LINGO2: variants seen among roughly 807,000 people sequenced by gnomAD.
LINGO2 encodes the protein leucine rich repeat and Ig domain containing 2.
Under a neutral mutation model 30.6 loss-of-function variants are expected in LINGO2, and 14 were observed. The observed-to-expected ratio is 0.46, with a 90% CI of 0.30 to 0.72. The LOEUF is 0.72. Among genes scored for constraint, LINGO2 ranks in the 30% least tolerant of loss-of-function variants. LINGO2 has a pLI of 0.07. For missense variants in LINGO2, 729 were observed against 751.7 expected (o/e 0.97, Z 0.35); for synonymous variants, 317 against 288.5 (o/e 1.10, Z -1.00).
At chr9:28,830,421 T>G in the LINGO2 span, among the ~76,000 whole-genome samples, 1 of 152,124 alleles carries the variant, frequency 6.6e-6, no homozygotes, top group East Asian at 1.9e-4. Context: ...AAGTGTGGGT[T>G]TTATCTTACA....
chr9:28,491,240 G>A (rs1826383847), intron 1 of LINGO2, among the ~76,000 whole-genome samples: 1 of 152,186 alleles, frequency 6.6e-6, no homozygotes, highest in Admixed American at 6.5e-5. Flanking sequence ...GGAGGCTTCA[G>A]TGATAAATAT....
intron 1 of LINGO2, among the ~76,000 whole-genome samples, chr9:28,606,896 T>C (rs1376744470): frequency 6.6e-6 from 1 of 152,080 alleles, no homozygotes; most frequent in East Asian, 1.9e-4. Flanking sequence ...TTCTGACAAG[T>C]GTTCTTACAA....
intron 1 of LINGO2, among the ~76,000 whole-genome samples, chr9:28,662,081 C>T (rs1046312503): frequency 1.2e-4 from 18 of 152,282 alleles, no homozygotes; most frequent in African/African-American, 4.1e-4. Context: ...CAGGCTCTGA[C>T]AGTTGATTGG....
chr9:28,414,262 G>T (rs1052730328), intron 2 of LINGO2, among the ~76,000 whole-genome samples: 1 of 152,162 alleles, frequency 6.6e-6, no homozygotes, highest in East Asian at 1.9e-4. Flanking sequence ...AGTCCATGAA[G>T]TTGTCTATTT....
chr9:29,188,910 G>C, the LINGO2 span, among the ~76,000 whole-genome samples: 95 of 149,996 alleles, frequency 6.3e-4, no homozygotes, highest in African/African-American at 2.3e-3. Flanking sequence ...GGGGTGGCCG[G>C]GCAGAGGCGC....
At chr9:29,020,155 A>G in the LINGO2 span, among the ~76,000 whole-genome samples, 1 of 152,196 alleles carries the variant, frequency 6.6e-6, no homozygotes, top group African/African-American at 2.4e-5. Context: ...AATGGCTAAC[A>G]TATGCTCAAA....
intron 4 of LINGO2, among the ~76,000 whole-genome samples, chr9:28,087,058 T>C (rs1208632602): frequency 6.6e-6 from 1 of 152,130 alleles, no homozygotes; most frequent in Non-Finnish European, 1.5e-5. Context: ...CACTCTCTGC[T>C]GTACCTTTGG....
intron 4 of LINGO2, among the ~76,000 whole-genome samples, chr9:28,284,484 G>T (rs1412454960): frequency 1.3e-5 from 2 of 152,124 alleles, no homozygotes; most frequent in African/African-American, 4.8e-5. Context: ...GTAGATGAAT[G>T]CTGTCAGTTA....
chr9:28,561,194 C>G (rs983964031), intron 1 of LINGO2, among the ~76,000 whole-genome samples: 1 of 151,958 alleles, frequency 6.6e-6, no homozygotes, highest in African/African-American at 2.4e-5. Flanking sequence ...CTCTGCCACA[C>G]TCCTTATTTC....
the LINGO2 span, among the ~76,000 whole-genome samples, chr9:28,781,423 C>T: frequency 6.6e-6 from 1 of 152,098 alleles, no homozygotes; most frequent in Non-Finnish European, 1.5e-5. Flanking sequence ...GGCAGAAGCT[C>T]CATAAAGATA....
Position 27,976,991 on chromosome 9 carries a change from C to T in LINGO2, c.-35-26285G>A, listed in dbSNP as rs1462091076. ...TGAGAAAGCCCGTGAGAAGATTCCA[C>T]TAAGGCAGCAACAAAGACTTCTGTT... On this transcript the variant is annotated intron_variant, in intron 5 of 5. Coordinates refer to ENST00000379992, the Ensembl canonical transcript of LINGO2. Among the ~76,000 whole-genome samples the T allele has an allele frequency of 2.0e-5, 3 of 151,436 alleles. No homozygotes were observed. In the East Asian group the frequency reaches 5.8e-4, roughly 29 times the overall value.
chr9:28,811,325 G>A, the LINGO2 span, among the ~76,000 whole-genome samples: 1 of 152,000 alleles, frequency 6.6e-6, no homozygotes, highest in African/African-American at 2.4e-5. Context: ...ATTACTTCGA[G>A]AGCCACTTAT....
chr9:28,548,583 A>G (rs958739358), intron 1 of LINGO2, among the ~76,000 whole-genome samples: 3 of 151,326 alleles, frequency 2.0e-5, no homozygotes, highest in African/African-American at 7.3e-5. Flanking sequence ...AGGCACTTGT[A>G]GTCTCAGCTA....
the LINGO2 span, among the ~76,000 whole-genome samples, chr9:29,041,751 T>C: frequency 6.6e-6 from 1 of 152,004 alleles, no homozygotes; most frequent in South Asian, 2.1e-4. Flanking sequence ...TAAAAAGTTA[T>C]TAGACTTAAC....
chr9:28,926,110 T>G, the LINGO2 span, among the ~76,000 whole-genome samples: 1 of 152,024 alleles, frequency 6.6e-6, no homozygotes. Context: ...GTCAGGAGTT[T>G]GAGACCAGCC....
intron 5 of LINGO2, among the ~76,000 whole-genome samples, chr9:27,986,458 G>A (rs901458679): frequency 1.3e-4 from 20 of 151,768 alleles, no homozygotes; most frequent in African/African-American, 4.8e-4. Flanking sequence ...AGTACTCTCC[G>A]GTTATATACG....
the LINGO2 span, among the ~76,000 whole-genome samples, chr9:29,058,075 T>G: frequency 6.6e-6 from 1 of 152,202 alleles, no homozygotes; most frequent in Non-Finnish European, 1.5e-5. Flanking sequence ...TTACTACACA[T>G]TTAAAACGGC....
intron 4 of LINGO2, among the ~76,000 whole-genome samples, chr9:28,178,296 G>T (rs1385206465): frequency 1.3e-5 from 2 of 152,062 alleles, no homozygotes; most frequent in Non-Finnish European, 2.9e-5. Context: ...AAATGTCTGG[G>T]CTCTCACATG....
intron 1 of LINGO2, among the ~76,000 whole-genome samples, chr9:28,512,693 C>CTA (rs1457191336): frequency 2.1e-5 from 3 of 142,136 alleles, no homozygotes; most frequent in Admixed American, 7.2e-5. Context: ...ATCTATCTAT[C>CTA]TCTCTGGGAA....
Sources: allele counts gnomAD v4.1 joint callset (sites outside exome capture counted in the v4.1 genomes callset), GRCh38; gene constraint gnomAD v4.1.1; transcripts MANE v1.5; gene names NCBI Gene and HGNC (gene_info 2026-07-23, HGNC 2026-07-21).